Variants in FOXP2 observed in about 807,000 individuals in gnomAD.
The protein encoded by FOXP2 is forkhead box P2.
A neutral mutation model predicts 115.8 loss-of-function variants in FOXP2; 12 were observed. The ratio of observed to expected loss-of-function variants is 0.10; its 90% CI spans 0.07 to 0.17. FOXP2 has a LOEUF of 0.17. Ranked by LOEUF, FOXP2 falls within the 10% of genes least tolerant of loss-of-function variation. The pLI is 1.00. For synonymous variants in FOXP2, 328 were observed against 297.7 expected, an observed-to-expected ratio of 1.10 and a Z score of -1.05; for missense variants, 629 against 843.5, an observed-to-expected ratio of 0.75 and a Z score of 3.15.
chr7:114,162,701 A>T (rs1792875383), upstream of FOXP2, among the ~76,000 whole-genome samples: 1 of 152,052 alleles, frequency 6.6e-6, no homozygotes, highest in Non-Finnish European at 1.5e-5. Flanking sequence ...TTTGATTATT[A>T]ATTTTCTCTT....
chr7:114,332,121 TGTGTGTGTGC>T, intron 2 of FOXP2, among the ~76,000 whole-genome samples: 1 of 152,092 alleles, frequency 6.6e-6, no homozygotes, highest in East Asian at 1.9e-4. Flanking sequence ...AACGTGTGTG[TGTGTGTGTGC>T]GTGTGTGTGT....
At chr7:114,275,588 T>G (rs1423829545) in intron 1 of FOXP2, among the ~76,000 whole-genome samples, 1 of 152,210 alleles carries the variant, frequency 6.6e-6, no homozygotes, top group Non-Finnish European at 1.5e-5. Flanking sequence ...TGTTATTGGG[T>G]ACTGTCTTCT....
chr7:114,440,256 C>A (rs1794542005), intron 2 of FOXP2, among the ~76,000 whole-genome samples: 1 of 152,124 alleles, frequency 6.6e-6, no homozygotes, highest in African/African-American at 2.4e-5. Context: ...ACATTTCCAT[C>A]ATATTGTTTC....
chr7:114,360,016 C>A (rs1323631941), intron 2 of FOXP2, among the ~76,000 whole-genome samples: 1 of 152,090 alleles, frequency 6.6e-6, no homozygotes, highest in African/African-American at 2.4e-5. Context: ...TGTCCCCACC[C>A]AAATCTCATC....
rs3028216 is a variant in FOXP2, at chr7:114,497,665, GTAAATAAATAAATAAATAAA to G, written c.169-36927_169-36908del. ...AAGCCTCCATCTAAAAAATAAATAA[GTAAATAAATAAATAAATAAA>G]TAAATAAATAAATAAATAAATAAAA... is the stretch of plus-strand genomic sequence containing the variant. On this transcript the variant is annotated intron_variant, in intron 2 of 16. Transcript: ENST00000350908. 7.5e-3 allele frequency among the ~76,000 whole-genome samples: 1,090 copies of G among 145,608 alleles called. 16 individuals carry two copies. Among genetic ancestry groups the G allele is most frequent in the African/African-American group, 0.026 (1,021 of 39,708 alleles).
intron 1 of FOXP2, among the ~76,000 whole-genome samples, chr7:114,147,612 T>C (rs557455209): frequency 6.6e-6 from 1 of 152,062 alleles, no homozygotes; most frequent in Admixed American, 6.6e-5. Flanking sequence ...AATAGTATAT[T>C]TTTTTTGCTC....
rs967938396 is a variant in FOXP2, at chr7:114,652,351, T to A, written c.1182+61T>A. 5 of 1,468,954 alleles carry A rather than the reference T, an allele frequency of 3.4e-6. No homozygotes were observed. In the Admixed American group the frequency reaches 5.3e-5, roughly 16 times the overall value. 91.0% of individuals were successfully genotyped at this position (1,468,954 alleles called of 1,614,324 possible). On this transcript the variant is annotated intron_variant, in intron 9 of 16. Transcript: ENST00000350908. ...ATTTCTGGTGTGTTACATTGAGTAC[T>A]GAGCAGATTCTGGGTCTTTCAGCCT...
At chr7:114,496,409 G>T (rs1797324287) in intron 2 of FOXP2, among the ~76,000 whole-genome samples, 1 of 152,110 alleles carries the variant, frequency 6.6e-6, no homozygotes, top group South Asian at 2.1e-4. Context: ...TTGTAAGGAT[G>T]AAATACTCAA....
At chr7:114,499,071 G>A (rs74631892) in intron 2 of FOXP2, 2 of 576,146 alleles carry the variant, frequency 3.5e-6, no homozygotes, top group East Asian at 5.8e-5. Flanking sequence ...CCCTGGGGTT[G>A]GAGCTCAGCA....
chr7:114,312,255 G>C (rs1269646421), intron 2 of FOXP2, among the ~76,000 whole-genome samples: 2 of 152,130 alleles, frequency 1.3e-5, no homozygotes, highest in Non-Finnish European at 2.9e-5. Flanking sequence ...TGGACTTGCT[G>C]TCCTATTCTC....
chr7:114,088,364 G>C (rs2129138485), intron 1 of FOXP2: 1 of 152,394 alleles, frequency 6.6e-6, no homozygotes, highest in South Asian at 2.1e-4. Flanking sequence ...TGGATCAGGA[G>C]TGCTTAAAGA....
chr7:114,612,808 CAT>C (rs1803704729), intron 3 of FOXP2, among the ~76,000 whole-genome samples: 1 of 152,030 alleles, frequency 6.6e-6, no homozygotes, highest in South Asian at 2.1e-4. Flanking sequence ...ATTATATTTC[CAT>C]AGTGTTCTTG....
intron 1 of FOXP2, among the ~76,000 whole-genome samples, chr7:114,118,375 A>G (rs1791466244): frequency 6.6e-6 from 1 of 152,104 alleles, no homozygotes; most frequent in African/African-American, 2.4e-5. Flanking sequence ...GAAGATAGAA[A>G]AAGTATGTGA....
At chr7:114,481,767 T>G (rs1275685839) in intron 2 of FOXP2, among the ~76,000 whole-genome samples, 1 of 67,724 alleles carries the variant, frequency 1.5e-5, no homozygotes, top group Non-Finnish European at 3.0e-5. Flanking sequence ...GGAAACTCTA[T>G]CTATCTATCT....
At chr7:114,559,942 C>T (rs191589303) in intron 3 of FOXP2, among the ~76,000 whole-genome samples, 138 of 151,606 alleles carry the variant, frequency 9.1e-4, no homozygotes, top group Non-Finnish European at 1.4e-3. Flanking sequence ...ACTTTAGGAA[C>T]GTCAATGGAT....
At chr7:114,638,991 A>G (rs1437354571) in intron 6 of FOXP2, among the ~76,000 whole-genome samples, 1 of 152,210 alleles carries the variant, frequency 6.6e-6, no homozygotes, top group Non-Finnish European at 1.5e-5. Context: ...TCATTACAAT[A>G]GCACGGTTAT....
intron 4 of FOXP2, chr7:114,629,034 G>T: frequency 4.0e-6 from 1 of 250,356 alleles, no homozygotes; most frequent in Non-Finnish European, 7.9e-6. Flanking sequence ...TAACACCTTA[G>T]CATTCCTTTT....
In FOXP2 at chr7:114,542,793, TG is replaced by T. The variant is rs375566919; in HGVS notation, c.258+8088del. ...TTTTTTTGTTTTTGTTTTTGTTTTT[TG>T]TTTTTTTTTTTTTTGAGGCAGAATC... is the stretch of plus-strand genomic sequence containing the variant. On this transcript the variant is annotated intron_variant, in intron 3 of 16. Transcript: ENST00000350908. Among the ~76,000 whole-genome samples the T allele has an allele frequency of 3.8e-4, 53 of 140,866 alleles. No homozygotes were observed. In the East Asian group the frequency reaches 9.3e-3, roughly 25 times the overall value. 92.4% of individuals were successfully genotyped at this position (140,866 alleles called of 152,430 possible). A position where few individuals can be genotyped will look rare whatever the true frequency, so the allele number is the denominator to read the frequency against.
intron 1 of FOXP2, among the ~76,000 whole-genome samples, chr7:114,095,106 C>A (rs943815063): frequency 6.6e-6 from 1 of 152,112 alleles, no homozygotes; most frequent in African/African-American, 2.4e-5. Context: ...TATCCCACAT[C>A]GTTAAATAGC....
Sources: gnomAD v4.1 joint callset for allele counts (sites outside exome capture counted in the v4.1 genomes callset) on GRCh38, gnomAD v4.1.1 for gene constraint, MANE v1.5 for transcripts, NCBI Gene and HGNC (gene_info 2026-07-23, HGNC 2026-07-21) for gene names.